Variants in EEFSEC observed in about 807,000 individuals in gnomAD.
EEFSEC encodes selenocysteine-specific elongation factor.
In EEFSEC, 43 loss-of-function variants were observed where a neutral mutation model predicts 42.1. That is an observed-to-expected ratio of 1.02 (90% CI 0.80 to 1.32). The LOEUF is 1.32. Ranked by LOEUF, EEFSEC falls within the 40% of genes most tolerant of loss-of-function variation. The probability of loss-of-function intolerance (pLI) is 0.00; values close to 1 mark genes in which losing one functional copy is unlikely to be tolerated. For missense variants in EEFSEC, 745 were observed against 803.6 expected, an observed-to-expected ratio of 0.93 and a Z score of 0.88; for synonymous variants, 354 against 339.1, an observed-to-expected ratio of 1.04 and a Z score of -0.48.
intron 2 of EEFSEC, among the ~76,000 whole-genome samples, chr3:128,252,723 A>G (rs1403414990): frequency 6.6e-6 from 1 of 152,228 alleles, no homozygotes; most frequent in African/African-American, 2.4e-5. Context: ...ACACACACAT[A>G]CACATATATA....
chr3:128,374,281 T>C (rs2067685795), intron 6 of EEFSEC, among the ~76,000 whole-genome samples: 1 of 152,234 alleles, frequency 6.6e-6, no homozygotes, highest in Non-Finnish European at 1.5e-5. Context: ...GAGGCTGCTG[T>C]TCATGTTTTC....
chr3:128,297,315 G>A (rs1002966014), intron 4 of EEFSEC, among the ~76,000 whole-genome samples: 5 of 152,188 alleles, frequency 3.3e-5, no homozygotes, highest in African/African-American at 1.2e-4. Flanking sequence ...ACCATCAAGT[G>A]TGATGATAAC....
At chr3:128,417,665 C>T in the EEFSEC span, among the ~76,000 whole-genome samples, 2 of 152,082 alleles carry the variant, frequency 1.3e-5, no homozygotes, top group Non-Finnish European at 2.9e-5. The surrounding 1 kb of genome is among the most constrained non-coding windows in gnomAD (Gnocchi z 4.3). Flanking sequence ...ACATGCCTGG[C>T]GCTCCACACA....
chr3:128,229,418 A>C (rs887891266), intron 1 of EEFSEC, among the ~76,000 whole-genome samples: 1 of 152,072 alleles, frequency 6.6e-6, no homozygotes. Flanking sequence ...CTCCAGGATG[A>C]CCCTCCTGGC....
chr3:128,350,705 A>T (rs1313656152), intron 5 of EEFSEC, among the ~76,000 whole-genome samples: 1 of 152,150 alleles, frequency 6.6e-6, no homozygotes, highest in African/African-American at 2.4e-5. Flanking sequence ...GATGTGCTGG[A>T]AAGAGCCAGT....
downstream of EEFSEC, among the ~76,000 whole-genome samples, chr3:128,410,650 G>C (rs995725614): frequency 2.0e-4 from 31 of 152,306 alleles, no homozygotes; most frequent in African/African-American, 7.0e-4. Context: ...AAGAAAAGCA[G>C]CCATGCCAGA....
chr3:128,278,828 A>G (rs1395692677), intron 4 of EEFSEC, among the ~76,000 whole-genome samples: 1 of 152,156 alleles, frequency 6.6e-6, no homozygotes, highest in East Asian at 1.9e-4. Context: ...CCCAGCCTGC[A>G]TGGTGCTAGT....
At chr3:128,400,059 T>C (rs1488765623) in intron 6 of EEFSEC, among the ~76,000 whole-genome samples, 3 of 152,098 alleles carry the variant, frequency 2.0e-5, no homozygotes, top group African/African-American at 7.2e-5. Flanking sequence ...TAGGGACACT[T>C]CTGCCCTTGC....
At chr3:128,330,428 G>T (rs148785619) in intron 4 of EEFSEC, among the ~76,000 whole-genome samples, 1 of 152,182 alleles carries the variant, frequency 6.6e-6, no homozygotes, top group African/African-American at 2.4e-5. Flanking sequence ...CTGTCTGCCC[G>T]ATCCAGGAAA....
intron 1 of EEFSEC, among the ~76,000 whole-genome samples, chr3:128,161,960 G>A (rs377185355): frequency 1.1e-4 from 17 of 152,302 alleles, no homozygotes; most frequent in African/African-American, 4.1e-4. Context: ...AGGAATTTGG[G>A]TGTTACTCTA....
chr3:128,221,310 A>G (rs1171372894), intron 1 of EEFSEC, among the ~76,000 whole-genome samples: 2 of 152,240 alleles, frequency 1.3e-5, no homozygotes, highest in Non-Finnish European at 2.9e-5. Context: ...GGGAATATGA[A>G]TGGAAGCCAG....
intron 1 of EEFSEC, among the ~76,000 whole-genome samples, chr3:128,208,807 CTT>C (rs1426721357): frequency 2.6e-5 from 4 of 152,226 alleles, no homozygotes; most frequent in African/African-American, 9.6e-5. Context: ...TCAGGGGTCA[CTT>C]TGGCACATCG....
intron 6 of EEFSEC, among the ~76,000 whole-genome samples, chr3:128,406,400 T>C (rs2068114470): frequency 6.6e-6 from 1 of 152,146 alleles, no homozygotes; most frequent in South Asian, 2.1e-4. Flanking sequence ...GTCAAAGGGT[T>C]CACAGTTTCA....
Position 128,317,574 on chromosome 3 carries a change from T to C in EEFSEC, c.787-23659T>C, listed in dbSNP as rs1314558491. 6.6e-6 allele frequency among the ~76,000 whole-genome samples: 1 copy of C among 152,218 alleles called. No homozygotes were observed. Among genetic ancestry groups the C allele is most frequent in the Non-Finnish European group, 1.5e-5 (1 of 68,024 alleles). ...GTCCTCTTTCCACCCGGGCTACCACTGGAGTCGTTCTGACCTTTGTACTTC... is the reference window on the plus strand; with the variant it reads ...GTCCTCTTTCCACCCGGGCTACCACCGGAGTCGTTCTGACCTTTGTACTTC... On this transcript the variant is annotated intron_variant, in intron 4 of 6. Coordinates refer to ENST00000254730, the MANE Select transcript of EEFSEC (RefSeq NM_021937.5). This position sits in a 1 kb window ranked among gnomAD's most constrained non-coding sequence, Gnocchi z 4.1.
At chr3:128,409,920 C>T (rs1576714774), downstream of EEFSEC, among the ~76,000 whole-genome samples, 1 of 152,220 alleles carries the variant, frequency 6.6e-6, no homozygotes, top group African/African-American at 2.4e-5. Flanking sequence ...GAGGCCACTC[C>T]GCCCAGGAAA....
chr3:128,352,152 G>A (rs773175227), intron 5 of EEFSEC, among the ~76,000 whole-genome samples: 1 of 152,164 alleles, frequency 6.6e-6, no homozygotes, highest in Non-Finnish European at 1.5e-5. Context: ...ACAGGACAGA[G>A]CAAAGCCATG....
downstream of EEFSEC, among the ~76,000 whole-genome samples, chr3:128,412,279 T>A (rs2068179360): frequency 6.6e-6 from 1 of 152,230 alleles, no homozygotes; most frequent in African/African-American, 2.4e-5. Flanking sequence ...GACCCCTGTC[T>A]GGGGAGTGCA....
intron 2 of EEFSEC, among the ~76,000 whole-genome samples, chr3:128,254,557 C>T (rs1241713621): frequency 6.6e-6 from 1 of 152,210 alleles, no homozygotes; most frequent in Non-Finnish European, 1.5e-5. Context: ...AGGTTTCTAG[C>T]TGGAATCCTG....
chr3:128,220,769 C>T (rs2065853543), intron 1 of EEFSEC, among the ~76,000 whole-genome samples: 1 of 152,216 alleles, frequency 6.6e-6, no homozygotes, highest in South Asian at 2.1e-4. Flanking sequence ...CCGGGAGTAT[C>T]CTGCAACAGA....
Sources: allele counts gnomAD v4.1 joint callset (sites outside exome capture counted in the v4.1 genomes callset), GRCh38; gene constraint gnomAD v4.1.1; non-coding constraint Gnocchi (gnomAD v3.1); transcripts MANE v1.5; gene names NCBI Gene and HGNC (gene_info 2026-07-23, HGNC 2026-07-21).